The following STAG1 variants were observed in gnomAD, a reference collection of about 807,000 sequenced individuals.
STAG1 encodes cohesin subunit SA-1.
Under a neutral mutation model 170.9 loss-of-function variants are expected in STAG1, and 26 were observed. The ratio of observed to expected loss-of-function variants is 0.15; its 90% CI spans 0.11 to 0.21. STAG1 has a LOEUF of 0.21. Among genes scored for constraint, STAG1 ranks in the 10% least tolerant of loss-of-function variants. STAG1 has a pLI of 1.00. For synonymous variants in STAG1, 514 were observed against 497.7 expected (o/e 1.03, Z -0.44); for missense variants, 964 against 1,509.5 (o/e 0.64, Z 5.99).
chr3:136,572,620 AAAGT>A (rs1403151705), intron 4 of STAG1, among the ~76,000 whole-genome samples: 49 of 148,744 alleles, frequency 3.3e-4, no homozygotes, highest in African/African-American at 1.2e-3. Context: ...AAAAAAAAAA[AAAGT>A]AAGCAAGTAA....
chr3:136,607,207 A>G (rs544984973), intron 3 of STAG1, among the ~76,000 whole-genome samples: 83 of 152,278 alleles, frequency 5.5e-4, no homozygotes, highest in Non-Finnish European at 1.0e-3. Context: ...CCTTCAGAAC[A>G]AAGTCACTAT....
intron 1 of STAG1, among the ~76,000 whole-genome samples, chr3:136,642,317 A>G (rs1346878170): frequency 7.7e-6 from 1 of 129,550 alleles, no homozygotes. Context: ...TGTCACCCAG[A>G]CTGGAGTACA....
chr3:136,609,941 G>A (rs1480578494), intron 3 of STAG1, among the ~76,000 whole-genome samples: 1 of 152,032 alleles, frequency 6.6e-6, no homozygotes, highest in Non-Finnish European at 1.5e-5. Flanking sequence ...TGGCAACATG[G>A]AGTTATAGTC....
At chr3:136,353,399 C>T (rs1280870459) in intron 28 of STAG1, among the ~76,000 whole-genome samples, 1 of 152,138 alleles carries the variant, frequency 6.6e-6, no homozygotes, top group Non-Finnish European at 1.5e-5. Context: ...GAGATGCACA[C>T]ATGGATTCAT....
At chr3:136,548,127 T>C (rs1340230641) in intron 5 of STAG1, among the ~76,000 whole-genome samples, 1 of 152,116 alleles carries the variant, frequency 6.6e-6, no homozygotes, top group East Asian at 1.9e-4. Context: ...TTGTTTTTTT[T>C]TTTTGAGACA....
chr3:136,641,130 C>T (rs1453164721), intron 1 of STAG1, among the ~76,000 whole-genome samples: 1 of 152,018 alleles, frequency 6.6e-6, no homozygotes, highest in African/African-American at 2.4e-5. Flanking sequence ...TTTACAGATA[C>T]AAAGTTGAAT....
chr3:136,537,672 T>C lies in STAG1; in HGVS notation c.471+4447A>G, dbSNP rs150129815. Among the ~76,000 whole-genome samples the C allele has an allele frequency of 5.9e-3, 904 of 152,114 alleles. 10 individuals are homozygous for C. The highest frequency in any genetic ancestry group is 9.8e-3 in the Non-Finnish European group (666 of 67,982). On this transcript the variant is annotated intron_variant, in intron 6 of 33. Transcript: ENST00000383202. ...TGTACCACCACGCTAATTTTTTTAT[T>C]TTTAGTAGAGATGGGGTTTCACCAT...
chr3:136,714,989 T>TATTTTATATATATAA (rs1289564365), intron 1 of STAG1, among the ~76,000 whole-genome samples: 1 of 110,534 alleles, frequency 9.0e-6, no homozygotes, highest in East Asian at 2.1e-4. Context: ...TTTATATATA[T>TATTTTATATATATAA]ATTTTATATA....
At chr3:136,593,388 T>A (rs1412826964) in intron 4 of STAG1, among the ~76,000 whole-genome samples, 1 of 152,102 alleles carries the variant, frequency 6.6e-6, no homozygotes, top group Admixed American at 6.6e-5. Context: ...GCAACAGGAA[T>A]GAAAACAGCA....
At chr3:136,383,280 G>C (rs1284686785) in intron 22 of STAG1, among the ~76,000 whole-genome samples, 4 of 151,898 alleles carry the variant, frequency 2.6e-5, no homozygotes, top group Admixed American at 1.3e-4. Context: ...TAATATTCAA[G>C]AGAAAAAGAA....
intron 15 of STAG1, among the ~76,000 whole-genome samples, chr3:136,434,037 T>G (rs2088385413): frequency 6.6e-6 from 1 of 152,140 alleles, no homozygotes; most frequent in Non-Finnish European, 1.5e-5. Flanking sequence ...ATTTTTCAAG[T>G]CAATACACAC....
intron 1 of STAG1, among the ~76,000 whole-genome samples, chr3:136,691,717 G>C (rs1242506197): frequency 5.3e-5 from 8 of 152,146 alleles, no homozygotes; most frequent in Non-Finnish European, 1.0e-4. Context: ...TGTCTTACTA[G>C]TTATAACTTT....
chr3:136,608,102 T>C (rs55993001), intron 3 of STAG1, among the ~76,000 whole-genome samples: 55,399 of 151,436 alleles, frequency 0.37, 11,166 homozygotes, highest in African/African-American at 0.53. Context: ...ACTAAAAATA[T>C]AAAAATTATC....
chr3:136,554,381 T>C (rs1180457084), intron 5 of STAG1, among the ~76,000 whole-genome samples: 1 of 152,130 alleles, frequency 6.6e-6, no homozygotes. Context: ...TATAAAATAT[T>C]TTAACAAAAT....
chr3:136,497,144 G>A (rs1280851308), intron 9 of STAG1, among the ~76,000 whole-genome samples: 1 of 151,464 alleles, frequency 6.6e-6, no homozygotes, highest in East Asian at 1.9e-4. Context: ...GGCTCCAATG[G>A]TAGAACTCTT....
intron 1 of STAG1, among the ~76,000 whole-genome samples, chr3:136,650,299 A>G (rs1048989609): frequency 1.3e-5 from 2 of 152,070 alleles, no homozygotes; most frequent in Non-Finnish European, 2.9e-5. Context: ...TCCATTCATA[A>G]TAACAATACA....
intron 16 of STAG1, chr3:136,430,260 C>T (rs918070365): frequency 1.3e-5 from 2 of 152,094 alleles, no homozygotes; most frequent in Admixed American, 1.3e-4. Context: ...TAATTTCACC[C>T]TTAAATATTT....
chr3:136,558,283 TA>T (rs1936702928), intron 5 of STAG1, among the ~76,000 whole-genome samples: 1 of 152,026 alleles, frequency 6.6e-6, no homozygotes, highest in African/African-American at 2.4e-5. Context: ...TCCCAGCTAC[TA>T]GGGGGGCTGA....
chr3:136,485,847 G>A lies in STAG1; in HGVS notation c.903-8435C>T, dbSNP rs571701592. Among the ~76,000 whole-genome samples the A allele has an allele frequency of 2.0e-5, 3 of 152,260 alleles. No individual in the cohort carries two copies. The South Asian group carries it at 6.2e-4, about 32-fold the overall frequency. On this transcript the variant is annotated intron_variant, in intron 9 of 33. Coordinates refer to ENST00000383202, the MANE Select transcript of STAG1 (RefSeq NM_005862.3). ...GCATACTGGTTTATAAAGCTCTGAT[G>A]TTTTAATTTTAGCCAGTGTCCACTG...
Sources: allele counts gnomAD v4.1 joint callset (sites outside exome capture counted in the v4.1 genomes callset), GRCh38; gene constraint gnomAD v4.1.1; transcripts MANE v1.5; gene names NCBI Gene and HGNC (gene_info 2026-07-23, HGNC 2026-07-21).